GRIK2: variants seen among roughly 807,000 people sequenced by gnomAD.
GRIK2 encodes the protein glutamate ionotropic receptor kainate type subunit 2, also known as glutamate receptor ionotropic, kainate 2.
A neutral mutation model predicts 100.3 loss-of-function variants in GRIK2; 32 were observed. The ratio of observed to expected loss-of-function variants is 0.32; its 90% CI spans 0.24 to 0.43. The LOEUF is 0.43. GRIK2 is among the 20% of genes least tolerant of loss of function. GRIK2 has a pLI of 1.00. For synonymous variants in GRIK2, 417 were observed against 389.4 expected, an observed-to-expected ratio of 1.07 and a Z score of -0.83; for missense variants, 843 against 1,114.9, an observed-to-expected ratio of 0.76 and a Z score of 3.47.
chr6:101,594,856 G>A (rs550147972), intron 2 of GRIK2, among the ~76,000 whole-genome samples: 1 of 151,766 alleles, frequency 6.6e-6, no homozygotes, highest in South Asian at 2.1e-4. Flanking sequence ...AATCAGAATT[G>A]GTGAGACATC....
intron 11 of GRIK2, among the ~76,000 whole-genome samples, chr6:101,881,134 T>G (rs957782392): frequency 6.6e-6 from 1 of 151,934 alleles, no homozygotes; most frequent in Non-Finnish European, 1.5e-5. Context: ...TTTGTGGACT[T>G]ACTTTATTGT....
chr6:102,013,763 A>C (rs1226392260), intron 14 of GRIK2, among the ~76,000 whole-genome samples: 1 of 152,126 alleles, frequency 6.6e-6, no homozygotes, highest in East Asian at 1.9e-4. Context: ...ACCAACCTTG[A>C]ATCCCAGGGA....
intron 2 of GRIK2, among the ~76,000 whole-genome samples, chr6:101,425,491 G>A (rs1003957734): frequency 3.3e-5 from 5 of 152,068 alleles, no homozygotes; most frequent in Non-Finnish European, 7.4e-5. Context: ...TCACACAACT[G>A]CTGATAGTAT....
At chr6:101,440,278 C>T (rs1325187913) in intron 2 of GRIK2, among the ~76,000 whole-genome samples, 2 of 152,114 alleles carry the variant, frequency 1.3e-5, no homozygotes, top group Non-Finnish European at 2.9e-5. Context: ...ATGGGCCAAT[C>T]TTATTTGACA....
intron 2 of GRIK2, among the ~76,000 whole-genome samples, chr6:101,520,970 T>C (rs1273289504): frequency 2.0e-5 from 3 of 152,090 alleles, no homozygotes; most frequent in African/African-American, 7.2e-5. Flanking sequence ...GGAAGTTGAA[T>C]ATCCAGGTTA....
intron 7 of GRIK2, among the ~76,000 whole-genome samples, chr6:101,697,870 C>G (rs1421313002): frequency 6.6e-6 from 1 of 152,060 alleles, no homozygotes; most frequent in African/African-American, 2.4e-5. Context: ...TCTGGCACCA[C>G]TTGAAGACAG....
chr6:101,551,036 C>T (rs985692711), intron 2 of GRIK2, among the ~76,000 whole-genome samples: 1 of 152,160 alleles, frequency 6.6e-6, no homozygotes, highest in Non-Finnish European at 1.5e-5. Flanking sequence ...TAAGGCTCAC[C>T]TCATGACTAC....
intron 12 of GRIK2, among the ~76,000 whole-genome samples, chr6:101,909,626 T>C (rs951929914): frequency 6.6e-6 from 1 of 150,482 alleles, no homozygotes; most frequent in African/African-American, 2.4e-5. Flanking sequence ...CTCAAATGAA[T>C]AAAAAATGAA....
intron 10 of GRIK2, among the ~76,000 whole-genome samples, chr6:101,848,079 A>C (rs1228905095): frequency 2.0e-5 from 3 of 152,092 alleles, no homozygotes; most frequent in African/African-American, 7.2e-5. Flanking sequence ...ATTCTGTAAG[A>C]ATAAGGTCCA....
chr6:101,651,400 G>A (rs566924997), intron 4 of GRIK2, among the ~76,000 whole-genome samples: 2 of 152,218 alleles, frequency 1.3e-5, no homozygotes, highest in East Asian at 1.9e-4. Context: ...CTAATCACTT[G>A]CAATACAGCC....
chr6:102,068,653 T>C lies in GRIK2; in HGVS notation c.*142T>C. 1 of 665,238 alleles carries C rather than the reference T, an allele frequency of 1.5e-6. No individual in the cohort carries two copies. Among genetic ancestry groups the C allele is most frequent in the Admixed American group, 2.9e-5 (1 of 34,316 alleles). The allele number at this position is 665,238 out of a possible 1,614,324, so 41.2% of individuals were successfully genotyped here. On this transcript the variant is annotated 3_prime_UTR_variant, in exon 17 of 17. Coordinates refer to ENST00000369134, the MANE Select transcript of GRIK2 (RefSeq NM_021956.5). Reference sequence around the variant, plus strand: ...CTGTGTCTATGAACTAGAGACTCTGTGATCTAAGCAGTTGCAATGATCAGA... The same window carrying C: ...CTGTGTCTATGAACTAGAGACTCTGCGATCTAAGCAGTTGCAATGATCAGA...
intron 2 of GRIK2, among the ~76,000 whole-genome samples, chr6:101,519,300 C>CGTGT (rs55646921): frequency 0.061 from 8,567 of 140,938 alleles, 252 homozygotes; most frequent in East Asian, 0.095. Context: ...CGGAGTTAAA[C>CGTGT]GTGTGTGTGT....
At chr6:101,728,882 T>C (rs1004120766) in intron 7 of GRIK2, among the ~76,000 whole-genome samples, 7 of 152,086 alleles carry the variant, frequency 4.6e-5, no homozygotes, top group African/African-American at 1.7e-4. Flanking sequence ...TTTCATTCTA[T>C]GCAGTTTCCT....
intron 2 of GRIK2, among the ~76,000 whole-genome samples, chr6:101,496,009 T>C (rs955776201): frequency 6.6e-6 from 1 of 152,062 alleles, no homozygotes; most frequent in African/African-American, 2.4e-5. Flanking sequence ...GCAGTGGCGC[T>C]ATGTTGGCTC....
intron 2 of GRIK2, among the ~76,000 whole-genome samples, chr6:101,452,121 A>G (rs1770732783): frequency 6.6e-6 from 1 of 151,782 alleles, no homozygotes; most frequent in Admixed American, 6.6e-5. Flanking sequence ...CTAAAATAGT[A>G]TTTTCAATAA....
At chr6:101,764,193 TGTG>T (rs935300617) in intron 7 of GRIK2, among the ~76,000 whole-genome samples, 18 of 152,142 alleles carry the variant, frequency 1.2e-4, no homozygotes, top group African/African-American at 4.1e-4. Flanking sequence ...CATTTGCTCT[TGTG>T]GTTCCAATCC....
intron 15 of GRIK2, among the ~76,000 whole-genome samples, chr6:102,049,444 G>C (rs1771060324): frequency 6.6e-6 from 1 of 151,994 alleles, no homozygotes; most frequent in Admixed American, 6.6e-5. Flanking sequence ...AGAATTTATG[G>C]GGACATTAAT....
At chr6:101,581,287 C>CGT (rs58382277) in intron 2 of GRIK2, among the ~76,000 whole-genome samples, 35,306 of 149,658 alleles carry the variant, frequency 0.24, 4,334 homozygotes, top group African/African-American at 0.31. Context: ...TGTATACACA[C>CGT]GTGTGTGTGT....
chr6:101,739,240 T>G (rs1201337715), intron 7 of GRIK2, among the ~76,000 whole-genome samples: 1 of 152,244 alleles, frequency 6.6e-6, no homozygotes, highest in Non-Finnish European at 1.5e-5. Flanking sequence ...CTCTTGTTTC[T>G]GCCACTGGAG....
Sources: allele counts gnomAD v4.1 joint callset (sites outside exome capture counted in the v4.1 genomes callset), GRCh38; gene constraint gnomAD v4.1.1; transcripts MANE v1.5; gene names NCBI Gene and HGNC (gene_info 2026-07-23, HGNC 2026-07-21).